Variants in PHLPP1 observed in about 807,000 individuals in gnomAD.
PHLPP1 encodes PH domain leucine-rich repeat-containing protein phosphatase 1.
A neutral mutation model predicts 117.2 loss-of-function variants in PHLPP1; 42 were observed. That is an observed-to-expected ratio of 0.36 (90% CI 0.28 to 0.46). The LOEUF is 0.46. PHLPP1 is among the 20% of genes least tolerant of loss of function. The probability of loss-of-function intolerance (pLI) is 1.00; values close to 1 mark genes in which losing one functional copy is unlikely to be tolerated. For synonymous variants in PHLPP1, 1,042 were observed against 970.7 expected (o/e 1.07, Z -1.37); for missense variants, 2,084 against 2,241.9 (o/e 0.93, Z 1.42).
chr18:62,790,763 C>T (rs533451605), intron 1 of PHLPP1, among the ~76,000 whole-genome samples: 248 of 152,088 alleles, frequency 1.6e-3, no homozygotes, highest in African/African-American at 5.5e-3. Flanking sequence ...TGGCTCTTGC[C>T]GTTAGTTGAG....
chr18:62,849,816 A>ATATATAT (rs1915281013), intron 3 of PHLPP1, among the ~76,000 whole-genome samples: 1 of 45,372 alleles, frequency 2.2e-5, no homozygotes, highest in African/African-American at 8.8e-5. Flanking sequence ...AAAAAAAAAA[A>ATATATAT]AAAAAAAAAA....
Position 62,895,015 on chromosome 18 carries a change from A to G in PHLPP1, c.2071A>G (p.Thr691Ala). ...TGTTTTGCTTTATTGTAATAGGTTC[A>G]CCAAGTTGAAGAGTCTTAACCTTTC... Reference protein sequence around the residue: ...ARGLNELQRFTKLKSLNLSNN... With the variant: ...ARGLNELQRFAKLKSLNLSNN... The change falls in exon 5 of 17, where the codon ACC becomes GCC. Residue 691 changes from threonine to alanine, a missense_variant. Coordinates refer to ENST00000262719, the MANE Select transcript of PHLPP1 (RefSeq NM_194449.4). 1.2e-6 allele frequency: 2 copies of G among 1,603,980 alleles called. No homozygotes were observed. Among genetic ancestry groups the G allele is most frequent in the Non-Finnish European group, 1.7e-6 (2 of 1,174,128 alleles).
rs1910691077 is a variant in PHLPP1, at chr18:62,715,608, T to C, written c.-76T>C. 1 of 1,018,882 alleles carries C rather than the reference T, an allele frequency of 9.8e-7. No homozygotes were observed. Among genetic ancestry groups the C allele is most frequent in the Non-Finnish European group, 1.3e-6 (1 of 788,712 alleles). 63.1% of individuals were successfully genotyped at this position (1,018,882 alleles called of 1,614,324 possible). ...CCCTTCTCCGCGCGCCGCCGCCGTC[T>C]CCCACCTCCGCCTCATCGCCTCCCT... is the stretch of plus-strand genomic sequence containing the variant. On this transcript the variant is annotated 5_prime_UTR_variant, in exon 1 of 17. Transcript: ENST00000262719.
chr18:62,782,166 C>T (rs1913138108), intron 1 of PHLPP1, among the ~76,000 whole-genome samples: 2 of 152,218 alleles, frequency 1.3e-5, no homozygotes, highest in Non-Finnish European at 2.9e-5. Context: ...TGCCTATTTC[C>T]TCTTCACTTT....
In PHLPP1 at chr18:62,927,377, G is replaced by A. The variant is rs760477478; in HGVS notation, c.2960+7263G>A. On this transcript the variant is annotated intron_variant, in intron 10 of 16. Coordinates refer to ENST00000262719, the MANE Select transcript of PHLPP1 (RefSeq NM_194449.4). ...CAAAAAACAACATATGTCCACTGTC[G>A]AATAGTTCGTACCCCAAAAAATCTA... 5.9e-5 allele frequency among the ~76,000 whole-genome samples: 9 copies of A among 152,112 alleles called. 1 individual carries two copies. The highest frequency in any genetic ancestry group is 5.8e-4 in the East Asian group (3 of 5,204).
intron 3 of PHLPP1, among the ~76,000 whole-genome samples, chr18:62,842,480 G>C (rs887267488): frequency 8.6e-5 from 13 of 151,916 alleles, no homozygotes; most frequent in African/African-American, 3.1e-4. Context: ...TCCCACCTCA[G>C]CCTCCTGAGT....
chr18:62,760,371 C>T (rs945378818), intron 1 of PHLPP1, among the ~76,000 whole-genome samples: 7 of 152,050 alleles, frequency 4.6e-5, no homozygotes, highest in South Asian at 2.1e-4. Context: ...GTTTGCAGTC[C>T]GAGATCTGTA....
chr18:62,753,871 G>T (rs1911933559), intron 1 of PHLPP1, among the ~76,000 whole-genome samples: 1 of 152,176 alleles, frequency 6.6e-6, no homozygotes, highest in African/African-American at 2.4e-5. Flanking sequence ...CAAAGAAAGA[G>T]AAACCATAGT....
At chr18:62,871,623 T>G (rs536800774) in intron 4 of PHLPP1, among the ~76,000 whole-genome samples, 5 of 149,662 alleles carry the variant, frequency 3.3e-5, no homozygotes, top group Non-Finnish European at 7.4e-5. Context: ...TCACCACGCC[T>G]GGCCAAATTT....
intron 6 of PHLPP1, among the ~76,000 whole-genome samples, chr18:62,901,766 G>A (rs997634800): frequency 1.3e-5 from 2 of 151,856 alleles, no homozygotes; most frequent in Non-Finnish European, 2.9e-5. Context: ...TGGGATTACA[G>A]GCGTGTGCCA....
chr18:62,813,052 A>C (rs1207310986), intron 1 of PHLPP1, among the ~76,000 whole-genome samples: 1 of 152,234 alleles, frequency 6.6e-6, no homozygotes, highest in Admixed American at 6.5e-5. Context: ...AAATGTGAGA[A>C]GTAACAGATG....
intron 1 of PHLPP1, among the ~76,000 whole-genome samples, chr18:62,758,292 C>T (rs1274443295): frequency 9.9e-5 from 15 of 151,884 alleles, no homozygotes; most frequent in Admixed American, 9.2e-4. Context: ...TTTAAAAAGA[C>T]AAAATGAAAC....
intron 1 of PHLPP1, among the ~76,000 whole-genome samples, chr18:62,795,371 G>T (rs1051711213): frequency 6.6e-6 from 1 of 151,296 alleles, no homozygotes; most frequent in African/African-American, 2.4e-5. Flanking sequence ...CCAGCTACTC[G>T]GGAGGCTGAG....
In PHLPP1 at chr18:62,717,755, T is replaced by C. The variant is rs555382540; in HGVS notation, c.1576+496T>C. 2.0e-5 allele frequency among the ~76,000 whole-genome samples: 3 copies of C among 152,318 alleles called. No individual in the cohort carries two copies. In the East Asian group the frequency reaches 5.8e-4, roughly 29 times the overall value. On this transcript the variant is annotated intron_variant, in intron 1 of 16. Transcript: ENST00000262719. ...CTCCTGACTTGTCAACTGGTGCCTT[T>C]GTTTATTCAGCTCTGCCACACTCAT...
At chr18:62,848,681 C>T (rs1232300065) in intron 3 of PHLPP1, among the ~76,000 whole-genome samples, 3 of 151,984 alleles carry the variant, frequency 2.0e-5, no homozygotes, top group African/African-American at 4.8e-5. Flanking sequence ...CGAGGCTGGC[C>T]TTGAGCTCCT....
At chr18:62,871,810 A>G (rs1915911146) in intron 4 of PHLPP1, among the ~76,000 whole-genome samples, 2 of 151,424 alleles carry the variant, frequency 1.3e-5, no homozygotes, top group Non-Finnish European at 2.9e-5. Flanking sequence ...ACGCCCAGCA[A>G]ATTTTTGTAT....
chr18:62,739,521 T>C (rs948042639), intron 1 of PHLPP1, among the ~76,000 whole-genome samples: 9 of 152,166 alleles, frequency 5.9e-5, no homozygotes, highest in Middle Eastern at 3.2e-3. Flanking sequence ...GTGTGCTTTA[T>C]TAGATGTAAG....
chr18:62,817,594 C>T (rs1045752766), intron 1 of PHLPP1, among the ~76,000 whole-genome samples: 2 of 151,598 alleles, frequency 1.3e-5, no homozygotes, highest in East Asian at 1.9e-4. Flanking sequence ...CCATAATGAA[C>T]TGTGGGATAA....
At position 62,716,174 on chromosome 18, in the gene PHLPP1, C is replaced by G; in HGVS notation, c.491C>G (p.Ser164Trp). 6.6e-7 allele frequency: 1 copy of G among 1,520,140 alleles called. No homozygotes were observed. Among genetic ancestry groups the G allele is most frequent in the South Asian group, 1.2e-5 (1 of 82,212 alleles). The allele number at this position is 1,520,140 out of a possible 1,614,324, so 94.2% of individuals were successfully genotyped here. ...GGCCTCCCCGCCTCCTGCTCGGCCT[C>G]GGCGTCGCTGTGCACCCGGAGCCTG... ...AAGLPASCSA[S>W]ASLCTRSLDR... The change falls in exon 1 of 17, where the codon TCG becomes TGG. Residue 164 changes from serine (S) to tryptophan (W), a missense_variant. Coordinates refer to ENST00000262719, the MANE Select transcript of PHLPP1 (RefSeq NM_194449.4). The surrounding 1 kb of genome is among the most constrained non-coding windows in gnomAD (Gnocchi z 5.7).
Sources: allele counts gnomAD v4.1 joint callset (sites outside exome capture counted in the v4.1 genomes callset), GRCh38; gene constraint gnomAD v4.1.1; non-coding constraint Gnocchi (gnomAD v3.1); transcripts MANE v1.5; gene names NCBI Gene and HGNC (gene_info 2026-07-23, HGNC 2026-07-21).